The following TERF2IP variants were observed in gnomAD, a reference collection of about 807,000 sequenced individuals.
TERF2IP encodes telomeric repeat-binding factor 2-interacting protein 1.
TERF2IP carries 35 observed loss-of-function variants against 33.3 expected under a neutral mutation model. That is an observed-to-expected ratio of 1.05 (90% CI 0.80 to 1.39). The LOEUF is 1.39. TERF2IP is among the 40% of genes most tolerant of loss of function. The pLI is 0.00. For synonymous variants in TERF2IP, 253 were observed against 223.2 expected (o/e 1.13, Z -1.19); for missense variants, 583 against 524.8 (o/e 1.11, Z -1.08).
At chr16:75,654,022 C>T (rs999559420) in intron 1 of TERF2IP, among the ~76,000 whole-genome samples, 4 of 152,038 alleles carry the variant, frequency 2.6e-5, no homozygotes, top group African/African-American at 9.7e-5. Flanking sequence ...TTTTATATGT[C>T]AGAGTTTAAG....
At chr16:75,650,521 TTTTTA>T (rs2082339243) in intron 1 of TERF2IP, among the ~76,000 whole-genome samples, 3 of 152,274 alleles carry the variant, frequency 2.0e-5, no homozygotes, top group South Asian at 2.1e-4. Flanking sequence ...CTTGCTTTTA[TTTTTA>T]TTTTATTTTA....
Position 75,648,310 on chromosome 16 carries a change from C to T in TERF2IP, c.428C>T (p.Ala143Val). 1 of 1,560,302 alleles carries T rather than the reference C, an allele frequency of 6.4e-7. No homozygotes were observed. The highest frequency in any genetic ancestry group is 2.4e-5 in the East Asian group (1 of 42,142). Residue 143 changes from alanine (A) to valine (V), a missense_variant, in exon 1 of 3, where the codon GCC becomes GTC. Physicochemically the swap from Ala to Val is moderately conservative, Grantham distance 64. Transcript: ENST00000300086. Reference protein sequence around the residue: ...RIAFTDADDVAILTYVKENAR... With the variant: ...RIAFTDADDVVILTYVKENAR... ...GCCTTCACGGATGCGGACGACGTAG[C>T]CATCCTTACCTACGTGAAGGAAAAT...
intron 1 of TERF2IP, chr16:75,648,777 C>T: frequency 7.8e-7 from 1 of 1,281,440 alleles, no homozygotes; most frequent in South Asian, 1.9e-5. Flanking sequence ...CTGGTCTGAA[C>T]TCCTGAGCTC....
rs560131093 is a variant in TERF2IP at position 75,654,936 on chromosome 16, G to A, written c.795+539G>A. Among the ~76,000 whole-genome samples the A allele has an allele frequency of 2.0e-5, 3 of 152,286 alleles. No individual in the cohort carries two copies. In the South Asian group the frequency reaches 6.2e-4, roughly 32 times the overall value. On this transcript the variant is annotated intron_variant, in intron 2 of 2. Coordinates refer to ENST00000300086, the MANE Select transcript of TERF2IP (RefSeq NM_018975.4). ...GTAGAGACGGGGTTTCACTGTGTTAGCCAGGATGGCCTCGATCTCCTGACC... is the reference window on the plus strand; with the variant it reads ...GTAGAGACGGGGTTTCACTGTGTTAACCAGGATGGCCTCGATCTCCTGACC...
At chr16:75,651,789 G>A (rs962441404) in intron 1 of TERF2IP, among the ~76,000 whole-genome samples, 1 of 152,164 alleles carries the variant, frequency 6.6e-6, no homozygotes, top group Admixed American at 6.5e-5. Flanking sequence ...TAATAAATAT[G>A]TGTGTTGGAA....
chr16:75,653,227 G>A (rs1425243241), intron 1 of TERF2IP, among the ~76,000 whole-genome samples: 1 of 152,094 alleles, frequency 6.6e-6, no homozygotes, highest in Non-Finnish European at 1.5e-5. Flanking sequence ...GTGAACATGG[G>A]TATAACTAGT....
chr16:75,653,323 T>A (rs2151819287), intron 1 of TERF2IP, among the ~76,000 whole-genome samples: 1 of 152,324 alleles, frequency 6.6e-6, no homozygotes, highest in African/African-American at 2.4e-5. Context: ...TATGTTTAAT[T>A]TTTTCTTTTT....
At chr16:75,649,387 T>C (rs759795428) in intron 1 of TERF2IP, among the ~76,000 whole-genome samples, 8 of 151,886 alleles carry the variant, frequency 5.3e-5, no homozygotes, top group Non-Finnish European at 1.0e-4. Flanking sequence ...CTACTAAAAA[T>C]ACAAAAATTA....
At chr16:75,655,693 C>T (rs1271095081) in intron 2 of TERF2IP, among the ~76,000 whole-genome samples, 2 of 152,176 alleles carry the variant, frequency 1.3e-5, no homozygotes, top group Admixed American at 6.5e-5. Flanking sequence ...AGCTTGGAAG[C>T]CCTAATACAT....
Position 75,647,954 on chromosome 16 carries a change from C to A in TERF2IP, c.72C>A (p.Asp24Glu), listed in dbSNP as rs1246899151. 1.2e-6 allele frequency: 2 copies of A among 1,613,650 alleles called. No individual in the cohort carries two copies. The highest frequency in any genetic ancestry group is 2.2e-5 in the East Asian group (1 of 44,852). The change falls in exon 1 of 3, where the codon GAC (aspartate) becomes GAA (glutamate). Residue 24 changes from aspartate (D) to glutamate (E), a missense_variant. Transcript: ENST00000300086. ...ATTCCTCGACTCTGTTCGTGAGGGA[C>A]GACGGCAGCTCCATGTCCTTCTACG... ...PTHSSTLFVR[D>E]DGSSMSFYVR...
chr16:75,649,951 C>T (rs747731661), intron 1 of TERF2IP, among the ~76,000 whole-genome samples: 3 of 152,186 alleles, frequency 2.0e-5, no homozygotes, highest in Non-Finnish European at 4.4e-5. Flanking sequence ...CCTCCGTAAT[C>T]CTCCCACCTT....
chr16:75,656,422 A>G lies in TERF2IP; in HGVS notation c.1011A>G (p.Leu337=), dbSNP rs566381436. 7.4e-6 allele frequency: 12 copies of G among 1,614,186 alleles called. No individual in the cohort carries two copies. The Admixed American group carries it at 8.3e-5, about 11-fold the overall frequency. ...LDLSTVTQAF[L]KNSGELEATS... Reference sequence around the variant, plus strand: ...TATCAACAGTTACACAGGCCTTCCTAAAAAATAGTGGTGAGCTGGAGGCTA... The same window carrying G: ...TATCAACAGTTACACAGGCCTTCCTGAAAAATAGTGGTGAGCTGGAGGCTA... Residue 337 remains leucine, a synonymous_variant, in exon 3 of 3, where the codon CTA becomes CTG. Coordinates refer to ENST00000300086, the MANE Select transcript of TERF2IP (RefSeq NM_018975.4).
In TERF2IP at chr16:75,648,319, C is replaced by A. The variant is rs944308624; in HGVS notation, c.437C>A (p.Thr146Asn). The A allele has an allele frequency of 6.4e-7, 1 of 1,566,948 alleles. No individual in the cohort carries two copies. The highest frequency in any genetic ancestry group is 8.7e-7 in the Non-Finnish European group (1 of 1,155,664). The stretch of plus-strand genomic sequence containing the variant: ...GATGCGGACGACGTAGCCATCCTTA[C>A]CTACGTGAAGGAAAATGCCCGCTCG... Reference protein sequence around the residue: ...FTDADDVAILTYVKENARSPS... With the variant: ...FTDADDVAILNYVKENARSPS... The change falls in exon 1 of 3, where the codon ACC becomes AAC. Residue 146 changes from threonine to asparagine, a missense_variant. By Grantham distance (65) the Thr-to-Asn change is moderately conservative (BLOSUM62 0). Coordinates refer to ENST00000300086, the MANE Select transcript of TERF2IP (RefSeq NM_018975.4).
rs576887582 is a variant in TERF2IP, at chr16:75,648,894, C to G, written c.670+342C>G. The stretch of plus-strand genomic sequence containing the variant: ...TTTTTAATTTTTGAGTGGGGGCTCG[C>G]TCCGTCGCCCAGGCTGTGATGCAGC... On this transcript the variant is annotated intron_variant, in intron 1 of 2. Transcript: ENST00000300086. Among the ~76,000 whole-genome samples, 10 of 151,526 alleles carry G rather than the reference C, an allele frequency of 6.6e-5. No homozygotes were observed. In the East Asian group the frequency reaches 2.0e-3, roughly 30 times the overall value.
At chr16:75,651,079 A>G (rs906215689) in intron 1 of TERF2IP, among the ~76,000 whole-genome samples, 18 of 152,212 alleles carry the variant, frequency 1.2e-4, no homozygotes, top group African/African-American at 4.3e-4. Context: ...AGAAGAAAAA[A>G]AGTAAAAATA....
Position 75,656,450 on chromosome 16 carries a change from T to C in TERF2IP, c.1039T>C (p.Ser347Pro). Residue 347 changes from serine (S) to proline (P), a missense_variant, in exon 3 of 3, where the codon TCC becomes CCC. Transcript: ENST00000300086. ...LKNSGELEAT[S>P]AFLASGQRAD... ...AAATAGTGGTGAGCTGGAGGCTACTTCCGCCTTCTTAGCGTCTGGTCAGAG... is the reference window on the plus strand; with the variant it reads ...AAATAGTGGTGAGCTGGAGGCTACTCCCGCCTTCTTAGCGTCTGGTCAGAG... 6.2e-7 allele frequency: 1 copy of C among 1,614,236 alleles called. No individual in the cohort carries two copies.
chr16:75,648,823 G>C (rs553780358), intron 1 of TERF2IP: 1 of 886,472 alleles, frequency 1.1e-6, no homozygotes, highest in Admixed American at 3.7e-5. Flanking sequence ...CAAAGTGTTG[G>C]GATTACAGGA....
chr16:75,654,481 T>C, intron 2 of TERF2IP, 84 bp downstream of exon 2: 1 of 1,402,234 alleles, frequency 7.1e-7, no homozygotes. Context: ...CTTTTTCATC[T>C]ACCTGGGGCT....
chr16:75,648,435 C>A lies in TERF2IP; in HGVS notation c.553C>A (p.Leu185Ile). ...GTGGCAGTCCCTGAAGGACCGCTAC[C>A]TCAAGCACCTGCGGGGCCAGGAGCA... Reference protein sequence around the residue: ...HSWQSLKDRYLKHLRGQEHKY... With the variant: ...HSWQSLKDRYIKHLRGQEHKY... Residue 185 changes from leucine to isoleucine, a missense_variant, in exon 1 of 3, where the codon CTC becomes ATC. By Grantham distance (5) the Leu-to-Ile change is conservative. Transcript: ENST00000300086. The A allele has an allele frequency of 6.2e-7, 1 of 1,603,802 alleles. No homozygotes were observed.
Sources: gnomAD v4.1 joint callset for allele counts (sites outside exome capture counted in the v4.1 genomes callset) on GRCh38, gnomAD v4.1.1 for gene constraint, MANE v1.5 for transcripts, NCBI Gene and HGNC (gene_info 2026-07-23, HGNC 2026-07-21) for gene names.